The following DNAH2 variants were observed in gnomAD, a reference collection of about 807,000 sequenced individuals.
DNAH2 encodes dynein axonemal heavy chain 2, also known as axonemal beta dynein heavy chain 2.
DNAH2 carries 323 observed loss-of-function variants against 523.5 expected under a neutral mutation model. That is an observed-to-expected ratio of 0.62 (90% confidence interval 0.56 to 0.68). The LOEUF is 0.68. Ranked by LOEUF, DNAH2 falls within the 30% of genes least tolerant of loss-of-function variation. The pLI is 0.00. For synonymous variants in DNAH2, 2,093 were observed against 2,177.4 expected, an observed-to-expected ratio of 0.96 and a Z score of 1.08; for missense variants, 4,907 against 5,701.5, an observed-to-expected ratio of 0.86 and a Z score of 4.49.
chr17:7,791,291 G>A (rs1286350940), intron 44 of DNAH2, among the ~76,000 whole-genome samples: 1 of 151,858 alleles, frequency 6.6e-6, no homozygotes, highest in Non-Finnish European at 1.5e-5. Flanking sequence ...GGCTGGTCTC[G>A]AACTCGTGAC....
rs1420400139 is a variant in DNAH2, at chr17:7,764,123, C to T, written c.3186C>T (p.Ser1062=). 1 of 1,614,220 alleles carries T rather than the reference C, an allele frequency of 6.2e-7. No homozygotes were observed. The highest frequency in any genetic ancestry group is 1.1e-5 in the South Asian group (1 of 91,082). Residue 1062 remains serine (S), a synonymous_variant, in exon 20 of 86, where the codon AGC becomes AGT. Transcript: ENST00000572933. ...TYLKENAEKI[S]RPPQTLEELG... is the part of the protein sequence containing the mutation. Reference sequence around the variant, plus strand: ...TCCCTTTGCCCGCCTTCAGAATCAGCCGCCCTCCGCAGACACTGGAGGAAC... The same window carrying T: ...TCCCTTTGCCCGCCTTCAGAATCAGTCGCCCTCCGCAGACACTGGAGGAAC...
intron 31 of DNAH2, 134 bp from the exon 32 acceptor site, chr17:7,776,645 A>G (rs1163176992): frequency 4.7e-6 from 3 of 640,560 alleles, no homozygotes; most frequent in Middle Eastern, 4.1e-4. Flanking sequence ...CCTGAGGCCC[A>G]TGTCCCATCC....
At position 7,740,500 on chromosome 17, in the gene DNAH2, C is replaced by A; in HGVS notation, c.1457C>A (p.Pro486Gln). The A allele has an allele frequency of 6.2e-7, 1 of 1,614,180 alleles. No homozygotes were observed. The highest frequency in any genetic ancestry group is 8.5e-7 in the Non-Finnish European group (1 of 1,180,026). Residue 486 changes from proline (P) to glutamine (Q), a missense_variant, in exon 10 of 86, where the codon CCG becomes CAG. Transcript: ENST00000572933. ...TSAFELVRDV[P>Q]HGVLLLDTFH... ...GCCTTCGAGTTGGTGCGGGACGTGC[C>A]GCACGGCGTGCTTCTGCTGGACACC...
rs139051280 is a variant in DNAH2 at position 7,786,035 on chromosome 17, C to T, written c.6130-89C>T. Reference sequence around the variant, plus strand: ...CTGGTGCCATTTTTAACAGTTTGAACGTATTCTCTCTGGCACCGGGGAGAT... The same window carrying T: ...CTGGTGCCATTTTTAACAGTTTGAATGTATTCTCTCTGGCACCGGGGAGAT... On this transcript the variant is annotated intron_variant, in intron 39 of 85. Transcript: ENST00000572933. This position sits in a 1 kb window ranked among gnomAD's most constrained non-coding sequence, Gnocchi z 7.5. 3.2e-4 allele frequency: 437 copies of T among 1,373,680 alleles called. 1 individual carries two copies. Among genetic ancestry groups the T allele is most frequent in the East Asian group, 2.4e-3 (105 of 43,456 alleles). 85.1% of individuals were successfully genotyped at this position (1,373,680 alleles called of 1,614,324 possible). A position where few individuals can be genotyped will look rare whatever the true frequency, so the allele number is the denominator to read the frequency against.
chr17:7,790,092 G>A (rs1182574606), intron 44 of DNAH2, among the ~76,000 whole-genome samples: 11 of 152,226 alleles, frequency 7.2e-5, no homozygotes, highest in Admixed American at 7.2e-4. Flanking sequence ...TGGTCTCCAA[G>A]AGGCCTGAGA....
chr17:7,772,155 A>C (rs2871358), intron 28 of DNAH2, among the ~76,000 whole-genome samples: 35,432 of 152,108 alleles, frequency 0.23, 5,388 homozygotes, highest in Non-Finnish European at 0.34. Context: ...GTAGACAATC[A>C]GGGAGTCAGG....
intron 3 of DNAH2, among the ~76,000 whole-genome samples, chr17:7,726,875 G>A (rs55662831): frequency 0.25 from 38,031 of 152,044 alleles, 5,925 homozygotes; most frequent in Non-Finnish European, 0.36. Context: ...GCATTGGGTG[G>A]ATAATATCCC....
In DNAH2 at chr17:7,786,910, C is replaced by T. The variant is rs375498621; in HGVS notation, c.6480C>T (p.Asp2160=). ...MRTACADEKP[D]EKWILFDGPV... is the part of the protein sequence containing the mutation. ...CCATCTACTCAGATGAGAAACCCGA[C>T]GAGAAGTGGATCCTGTTCGATGGCC... The change falls in exon 42 of 86, where the codon GAC becomes GAT. Residue 2160 remains aspartate, a synonymous_variant. Coordinates refer to ENST00000572933, the MANE Select transcript of DNAH2 (RefSeq NM_020877.5). This position sits in a 1 kb window ranked among gnomAD's most constrained non-coding sequence, Gnocchi z 7.5. The T allele has an allele frequency of 1.7e-5, 28 of 1,614,126 alleles. No homozygotes were observed. Among genetic ancestry groups the T allele is most frequent in the African/African-American group, 4.0e-5 (3 of 74,934 alleles).
chr17:7,799,311 C>T, intron 56 of DNAH2, 69 bp downstream of exon 56: 1 of 1,579,276 alleles, frequency 6.3e-7, no homozygotes, highest in Non-Finnish European at 8.6e-7. Context: ...GCCTCCTGTG[C>T]CTTCTGGAAA....
rs1390664029 is a variant in DNAH2 at position 7,786,883 on chromosome 17, C to A, written c.6467-14C>A. 1 of 1,614,194 alleles carries A rather than the reference C, an allele frequency of 6.2e-7. No individual in the cohort carries two copies. The highest frequency in any genetic ancestry group is 8.5e-7 in the Non-Finnish European group (1 of 1,180,018). ...GCGGCTCCCCGGTTTCCTCATCACC[C>A]ACCATCTACTCAGATGAGAAACCCG... On this transcript the variant is annotated splice_polypyrimidine_tract_variant and intron_variant, in intron 41 of 85. Transcript: ENST00000572933. The surrounding 1 kb of genome is among the most constrained non-coding windows in gnomAD (Gnocchi z 7.5).
chr17:7,801,823 C>G, intron 57 of DNAH2, 55 bp from the exon 58 acceptor site: 1 of 1,612,698 alleles, frequency 6.2e-7, no homozygotes, highest in Non-Finnish European at 8.5e-7. Flanking sequence ...GCACTCCCAG[C>G]CTCTCTCCCA....
chr17:7,799,259 CCTT>C lies in DNAH2; in HGVS notation c.8699+20_8699+22del. 8 of 1,612,782 alleles carry C rather than the reference CCTT, an allele frequency of 5.0e-6. No homozygotes were observed. The highest frequency in any genetic ancestry group is 1.1e-5 in the South Asian group (1 of 91,040). On this transcript the variant is annotated intron_variant, in intron 56 of 85. Transcript: ENST00000572933. ...TCCCTTCAGGTGACTTCTGTGACATCCTTCTCTCAGCCCCTTCTGTGTGCTCCC... is the reference window on the plus strand; with the variant it reads ...TCCCTTCAGGTGACTTCTGTGACATCCTCTCAGCCCCTTCTGTGTGCTCCC...
intron 48 of DNAH2, among the ~76,000 whole-genome samples, chr17:7,793,844 C>T (rs931736851): frequency 6.6e-6 from 1 of 152,004 alleles, no homozygotes; most frequent in Admixed American, 6.6e-5. Flanking sequence ...GCCAAAAACT[C>T]GCCTAGTGCT....
intron 57 of DNAH2, 62 bp from the exon 58 acceptor site, chr17:7,801,816 C>T: frequency 3.1e-6 from 5 of 1,612,158 alleles, no homozygotes; most frequent in South Asian, 2.2e-5. Flanking sequence ...TCTCATCGCA[C>T]TCCCAGCCTC....
rs1272978142 is a variant in DNAH2, at chr17:7,757,795, T to C, written c.2051+558T>C. Among the ~76,000 whole-genome samples, 3 of 152,214 alleles carry C rather than the reference T, an allele frequency of 2.0e-5. No individual in the cohort carries two copies. The East Asian group carries it at 5.8e-4, about 29-fold the overall frequency. On this transcript the variant is annotated intron_variant, in intron 13 of 85. Coordinates refer to ENST00000572933, the MANE Select transcript of DNAH2 (RefSeq NM_020877.5). Reference sequence around the variant, plus strand: ...GCAAGGCACCAGCAGATTTGGTGTCTGGTGAGGGCCTGCGTCCTGGTTCAT... The same window carrying C: ...GCAAGGCACCAGCAGATTTGGTGTCCGGTGAGGGCCTGCGTCCTGGTTCAT...
At chr17:7,792,527 G>A (rs1305217118) in intron 46 of DNAH2, 130 bp from the exon 47 acceptor site, 5 of 969,726 alleles carry the variant, frequency 5.2e-6, no homozygotes, top group South Asian at 4.6e-5. Context: ...TCTGAGGGGA[G>A]CACATGATCC....
intron 18 of DNAH2, among the ~76,000 whole-genome samples, chr17:7,762,686 A>T (rs2076040103): frequency 6.6e-6 from 1 of 152,030 alleles, no homozygotes; most frequent in African/African-American, 2.4e-5. Context: ...AAGGCATTCC[A>T]TGTGGAGGAA....
chr17:7,742,730 C>T (rs1307728734), intron 11 of DNAH2, among the ~76,000 whole-genome samples, 198 bp from the exon 12 acceptor site: 1 of 152,246 alleles, frequency 6.6e-6, no homozygotes, highest in Non-Finnish European at 1.5e-5. Flanking sequence ...TCTCATTGCG[C>T]CTTGGTCTCT....
Position 7,743,010 on chromosome 17 carries a change from T to C in DNAH2, c.1772T>C (p.Ile591Thr), listed in dbSNP as rs2075398522. Residue 591 changes from isoleucine (I) to threonine (T), a missense_variant, in exon 12 of 86, where the codon ATT becomes ACT. Around this residue, in one of 3 missense-constraint regions of DNAH2, gnomAD observed 2,806 missense variants for 3,190.8 expected, o/e 0.88. Coordinates refer to ENST00000572933, the MANE Select transcript of DNAH2 (RefSeq NM_020877.5). ...ACCTATCAGCAGATGGTCCAGGCCA[T>C]TGATGAGCTGGTTCGAAAAACCTTC... ...VHTYQQMVQA[I>T]DELVRKTFQE... The C allele has an allele frequency of 2.6e-6, 4 of 1,523,148 alleles. No homozygotes were observed. In the African/African-American group the frequency reaches 5.6e-5, roughly 21 times the overall value. The allele number at this position is 1,523,148 out of a possible 1,614,324, so 94.4% of individuals were successfully genotyped here.
Sources: gnomAD v4.1 joint callset for allele counts (sites outside exome capture counted in the v4.1 genomes callset) on GRCh38, gnomAD v4.1.1 for gene constraint, gnomAD v4.1.1 regional missense constraint, Gnocchi (gnomAD v3.1) non-coding constraint, MANE v1.5 for transcripts, NCBI Gene and HGNC (gene_info 2026-07-23, HGNC 2026-07-21) for gene names.